CSMD1: variants seen among roughly 807,000 people sequenced by gnomAD.
The protein encoded by CSMD1 is CUB and sushi domain-containing protein 1.
Under a neutral mutation model 417.5 loss-of-function variants are expected in CSMD1, and 213 were observed. That is an observed-to-expected ratio of 0.51 (90% CI 0.46 to 0.57). The LOEUF is 0.57. CSMD1 is among the 20% of genes least tolerant of loss of function. The pLI is 0.00. For synonymous variants in CSMD1, 2,862 were observed against 1,736.8 expected (o/e 1.65, Z -16.11); for missense variants, 6,923 against 4,529.7 (o/e 1.53, Z -15.17).
At chr8:3,303,225 G>A (rs1327785594) in intron 25 of CSMD1, among the ~76,000 whole-genome samples, 2 of 152,050 alleles carry the variant, frequency 1.3e-5, no homozygotes, top group Non-Finnish European at 2.9e-5. Context: ...ATGTACAGAG[G>A]CTGGACATGG....
At chr8:4,498,214 C>T (rs767494694) in intron 2 of CSMD1, among the ~76,000 whole-genome samples, 1 of 152,088 alleles carries the variant, frequency 6.6e-6, no homozygotes, top group African/African-American at 2.4e-5. Context: ...CGGGGTTGAA[C>T]GATGATTGTT....
intron 12 of CSMD1, 24 bp downstream of exon 12, chr8:3,468,688 C>A: frequency 2.0e-6 from 3 of 1,473,666 alleles, no homozygotes; most frequent in Non-Finnish European, 2.8e-6. Flanking sequence ...ACTTCCAACC[C>A]TGTGAAGTGT....
chr8:3,596,650 C>A (rs985074644), intron 8 of CSMD1, among the ~76,000 whole-genome samples: 4 of 152,050 alleles, frequency 2.6e-5, no homozygotes, highest in Admixed American at 2.6e-4. Flanking sequence ...TTTTATTTAT[C>A]CTTCACATCT....
chr8:2,951,368 G>A (rs565201676), intron 65 of CSMD1, 93 bp from the exon 66 acceptor site: 28 of 1,306,294 alleles, frequency 2.1e-5, no homozygotes, highest in Middle Eastern at 1.9e-4. Flanking sequence ...ACTGCTTAGC[G>A]AGCGATCACA....
At chr8:3,308,970 C>T (rs1409019686) in intron 23 of CSMD1, among the ~76,000 whole-genome samples, 1 of 151,996 alleles carries the variant, frequency 6.6e-6, no homozygotes, top group Non-Finnish European at 1.5e-5. Context: ...GGCAATCCAC[C>T]CCCTCAGCCT....
intron 1 of CSMD1, among the ~76,000 whole-genome samples, chr8:4,779,274 A>G (rs1475594425): frequency 2.0e-5 from 3 of 150,100 alleles, no homozygotes; most frequent in African/African-American, 4.9e-5. Context: ...AATCCCTTCC[A>G]TGTATAGGGG....
At chr8:4,127,160 C>G (rs1802812995) in intron 3 of CSMD1, among the ~76,000 whole-genome samples, 1 of 152,048 alleles carries the variant, frequency 6.6e-6, no homozygotes. Context: ...GCTGCAGAAA[C>G]AAAGGATATT....
intron 1 of CSMD1, among the ~76,000 whole-genome samples, chr8:4,962,166 A>G (rs370524338): frequency 1.3e-5 from 2 of 150,590 alleles, no homozygotes; most frequent in East Asian, 3.9e-4. Flanking sequence ...ACACAAAACA[A>G]TAATATAAAT....
chr8:4,073,481 T>A (rs1209324998), intron 3 of CSMD1, among the ~76,000 whole-genome samples: 1 of 152,214 alleles, frequency 6.6e-6, no homozygotes, highest in African/African-American at 2.4e-5. Context: ...CCTCATTTTC[T>A]GGCTGTCCTC....
intron 1 of CSMD1, among the ~76,000 whole-genome samples, chr8:4,690,406 T>C (rs1806690305): frequency 6.6e-6 from 1 of 152,186 alleles, no homozygotes; most frequent in Non-Finnish European, 1.5e-5. Flanking sequence ...ATTCAAAATT[T>C]CAGAATATTC....
intron 6 of CSMD1, among the ~76,000 whole-genome samples, chr8:3,742,423 A>C (rs1489817147): frequency 6.6e-6 from 1 of 152,214 alleles, no homozygotes; most frequent in Non-Finnish European, 1.5e-5. Context: ...AGAGTCAGTA[A>C]ATTTTTAATT....
intron 2 of CSMD1, among the ~76,000 whole-genome samples, chr8:4,420,891 A>C (rs143123450): frequency 8.5e-5 from 13 of 152,068 alleles, no homozygotes; most frequent in Non-Finnish European, 1.5e-4. Context: ...GTCCTCTTTC[A>C]CCCTCCTAGG....
At chr8:4,790,754 T>C (rs1797644238) in intron 1 of CSMD1, among the ~76,000 whole-genome samples, 2 of 152,152 alleles carry the variant, frequency 1.3e-5, no homozygotes, top group Non-Finnish European at 2.9e-5. Flanking sequence ...ATTCAATAAA[T>C]GGTGCTAAGA....
At chr8:3,642,901 AT>A (rs1797377100) in intron 7 of CSMD1, among the ~76,000 whole-genome samples, 1 of 152,004 alleles carries the variant, frequency 6.6e-6, no homozygotes, top group African/African-American at 2.4e-5. Context: ...ACACACATAT[AT>A]ATATAATGTA....
At chr8:3,379,820 T>C (rs774896673) in intron 18 of CSMD1, among the ~76,000 whole-genome samples, 7 of 152,098 alleles carry the variant, frequency 4.6e-5, no homozygotes, top group Admixed American at 6.6e-5. Context: ...AGCAATACAA[T>C]TCAGGACATA....
chr8:3,787,007 G>T (rs1468565381), intron 5 of CSMD1, among the ~76,000 whole-genome samples: 1 of 152,110 alleles, frequency 6.6e-6, no homozygotes, highest in Admixed American at 6.6e-5. Flanking sequence ...CTGAGGGTCA[G>T]GATCTGAAGT....
chr8:3,278,362 CTATT>C (rs1802468268), intron 26 of CSMD1: 1 of 152,102 alleles, frequency 6.6e-6, no homozygotes, highest in Non-Finnish European at 1.5e-5. Flanking sequence ...ATTCACATAA[CTATT>C]TTCTCTCCAA....
intron 3 of CSMD1, among the ~76,000 whole-genome samples, chr8:4,307,095 T>C (rs1585200182): frequency 6.6e-6 from 1 of 152,220 alleles, no homozygotes; most frequent in African/African-American, 2.4e-5. Context: ...ATTTCAATTG[T>C]TTTATCTCTA....
At chr8:3,593,272 G>T (rs781442570) in intron 8 of CSMD1, among the ~76,000 whole-genome samples, 2 of 152,212 alleles carry the variant, frequency 1.3e-5, no homozygotes, top group Non-Finnish European at 2.9e-5. Context: ...GTGTGTTCAG[G>T]AGTAATGCAG....
Sources: gnomAD v4.1 joint callset for allele counts (sites outside exome capture counted in the v4.1 genomes callset) on GRCh38, gnomAD v4.1.1 for gene constraint, MANE v1.5 for transcripts, NCBI Gene and HGNC (gene_info 2026-07-23, HGNC 2026-07-21) for gene names.